Variants in FRMD4A observed in about 807,000 individuals in gnomAD.
The protein encoded by FRMD4A is FERM domain containing 4A, also known as FERM domain-containing protein 4A.
In FRMD4A, 29 loss-of-function variants were observed where a neutral mutation model predicts 129.1. The observed-to-expected ratio is 0.22, with a 90% CI of 0.17 to 0.31. FRMD4A has a LOEUF of 0.31. Ranked by LOEUF, FRMD4A falls within the 10% of genes least tolerant of loss-of-function variation. The pLI, the probability that FRMD4A is intolerant of heterozygous loss-of-function variation, is 1.00. For synonymous variants in FRMD4A, 634 were observed against 571.6 expected (o/e 1.11, Z -1.56); for missense variants, 1,272 against 1,375.8 (o/e 0.92, Z 1.19).
intron 2 of FRMD4A, among the ~76,000 whole-genome samples, chr10:14,308,427 A>C (rs749290103): frequency 6.6e-6 from 1 of 152,134 alleles, no homozygotes; most frequent in Non-Finnish European, 1.5e-5. Context: ...GGAAGTAGTG[A>C]GAATACGAAC....
intron 12 of FRMD4A, among the ~76,000 whole-genome samples, chr10:13,728,984 G>A (rs1489977128): frequency 6.6e-6 from 1 of 152,166 alleles, no homozygotes; most frequent in South Asian, 2.1e-4. Flanking sequence ...TTGAGAAGAC[G>A]ATCTCAATTT....
chr10:14,184,806 T>C (rs537983012), intron 2 of FRMD4A, among the ~76,000 whole-genome samples: 18 of 152,272 alleles, frequency 1.2e-4, no homozygotes, highest in African/African-American at 4.3e-4. Context: ...CATTTTCTTA[T>C]TTATTTATTT....
chr10:13,694,384 T>C (rs765693129), intron 14 of FRMD4A, among the ~76,000 whole-genome samples: 4 of 152,172 alleles, frequency 2.6e-5, no homozygotes, highest in Non-Finnish European at 5.9e-5. Context: ...TAGATGCCAC[T>C]CACCACCCAG....
chr10:14,323,964 C>A (rs1186420172), intron 2 of FRMD4A, among the ~76,000 whole-genome samples: 2 of 152,136 alleles, frequency 1.3e-5, no homozygotes, highest in African/African-American at 4.8e-5. Flanking sequence ...AAAGCAGAGC[C>A]AAGACATGGC....
At chr10:13,854,728 G>A (rs1287302950) in intron 3 of FRMD4A, among the ~76,000 whole-genome samples, 1 of 151,880 alleles carries the variant, frequency 6.6e-6, no homozygotes, top group Non-Finnish European at 1.5e-5. Context: ...CACTGCATCC[G>A]GCCTGATAAA....
At chr10:14,029,899 T>C (rs1297752756) in intron 2 of FRMD4A, among the ~76,000 whole-genome samples, 1 of 143,652 alleles carries the variant, frequency 7.0e-6, no homozygotes, top group African/African-American at 2.9e-5. Flanking sequence ...AGTTTCATTA[T>C]TCTGCGTTGT....
At chr10:13,704,051 T>C (rs2087145763) in intron 13 of FRMD4A, among the ~76,000 whole-genome samples, 1 of 152,090 alleles carries the variant, frequency 6.6e-6, no homozygotes, top group Non-Finnish European at 1.5e-5. Context: ...AGGCCATGGA[T>C]ACCCCACGTA....
Position 14,142,123 on chromosome 10 carries a change from T to TA in FRMD4A, c.45+187934dup, listed in dbSNP as rs998318446. On this transcript the variant is annotated intron_variant, in intron 2 of 24. Coordinates refer to ENST00000357447, the MANE Select transcript of FRMD4A (RefSeq NM_018027.5). ...AAGAAATAGAAAAACATTTTTATTT[T>TA]AAAAAAAAAGCTGCTACAAACAAAA... Among the ~76,000 whole-genome samples the TA allele has an allele frequency of 1.2e-4, 18 of 150,446 alleles. No individual in the cohort carries two copies. In the East Asian group the frequency reaches 2.5e-3, roughly 21 times the overall value.
chr10:13,804,523 T>TTTC, intron 4 of FRMD4A, among the ~76,000 whole-genome samples: 1 of 146,772 alleles, frequency 6.8e-6, no homozygotes, highest in African/African-American at 2.5e-5. Context: ...AGTCAGGACT[T>TTTC]TTTCTTTCTT....
At chr10:13,720,695 T>C (rs2089329726) in intron 12 of FRMD4A, among the ~76,000 whole-genome samples, 1 of 152,082 alleles carries the variant, frequency 6.6e-6, no homozygotes, top group Non-Finnish European at 1.5e-5. Flanking sequence ...GTTAACAAGG[T>C]AGCCAGGGAA....
chr10:13,949,390 G>A (rs2095357136), intron 2 of FRMD4A, among the ~76,000 whole-genome samples: 2 of 151,228 alleles, frequency 1.3e-5, no homozygotes, highest in Admixed American at 6.6e-5. Flanking sequence ...AACTTTTCAA[G>A]TACAGCTTTG....
intron 12 of FRMD4A, among the ~76,000 whole-genome samples, chr10:13,735,508 C>G (rs1295640071): frequency 6.6e-6 from 1 of 152,222 alleles, no homozygotes; most frequent in African/African-American, 2.4e-5. Flanking sequence ...TGACTGAGCC[C>G]TAGCTATGCA....
At chr10:14,304,860 T>G (rs1218961746) in intron 2 of FRMD4A, among the ~76,000 whole-genome samples, 1 of 152,224 alleles carries the variant, frequency 6.6e-6, no homozygotes, top group Non-Finnish European at 1.5e-5. Flanking sequence ...ATATCCCGGC[T>G]GCATCTCCCT....
chr10:13,657,456 G>A lies in FRMD4A; in HGVS notation c.2133C>T (p.Ser711=). 1 of 1,611,908 alleles carries A rather than the reference G, an allele frequency of 6.2e-7. No homozygotes were observed. The highest frequency in any genetic ancestry group is 8.5e-7 in the Non-Finnish European group (1 of 1,179,896). ...CCAGGAGCTTGCCCTGGGACTCCAG[G>A]CTGGAGCTCCGGTGCCTAAAGTGCA... ...LALHFRHRSS[S]LESQGKLLGS... is the part of the protein sequence containing the mutation. Residue 711 remains serine, a synonymous_variant, in exon 22 of 25, where the codon AGC becomes AGT. Transcript: ENST00000357447.
intron 2 of FRMD4A, among the ~76,000 whole-genome samples, chr10:14,277,986 C>T (rs1845397778): frequency 6.6e-6 from 1 of 152,320 alleles, no homozygotes; most frequent in African/African-American, 2.4e-5. Flanking sequence ...TTGAATGGTG[C>T]TCAGTTCCCC....
intron 2 of FRMD4A, among the ~76,000 whole-genome samples, chr10:14,162,786 A>G (rs1449158400): frequency 6.6e-6 from 1 of 152,080 alleles, no homozygotes; most frequent in African/African-American, 2.4e-5. Flanking sequence ...TATGCACAGC[A>G]TAGAGTAAAT....
chr10:13,893,482 C>T (rs2094723678), intron 2 of FRMD4A, among the ~76,000 whole-genome samples: 1 of 152,168 alleles, frequency 6.6e-6, no homozygotes, highest in South Asian at 2.1e-4. Context: ...TTGACTGCAA[C>T]ACCTAGTAAT....
intron 2 of FRMD4A, among the ~76,000 whole-genome samples, chr10:13,910,888 G>GAAAAAAAAAAA (rs141449954): frequency 2.4e-5 from 2 of 83,100 alleles, no homozygotes; most frequent in African/African-American, 1.0e-4. Flanking sequence ...GGAGTTTCAT[G>GAAAAAAAAAAA]AAAAAAAAAA....
intron 2 of FRMD4A, among the ~76,000 whole-genome samples, chr10:13,869,438 C>T (rs1056586200): frequency 1.3e-5 from 2 of 152,230 alleles, no homozygotes; most frequent in African/African-American, 2.4e-5. Flanking sequence ...TGGACAGGTG[C>T]GACAGATGTG....
Sources: allele counts gnomAD v4.1 joint callset (sites outside exome capture counted in the v4.1 genomes callset), GRCh38; gene constraint gnomAD v4.1.1; transcripts MANE v1.5; gene names NCBI Gene and HGNC (gene_info 2026-07-23, HGNC 2026-07-21).